The following MTUS2 variants were observed in gnomAD, a reference collection of about 807,000 sequenced individuals.
MTUS2 encodes the protein microtubule-associated tumor suppressor candidate 2.
A neutral mutation model predicts 114.1 loss-of-function variants in MTUS2; 40 were observed. The observed-to-expected ratio is 0.35, with a 90% confidence interval of 0.27 to 0.46. The LOEUF is 0.46. Among genes scored for constraint, MTUS2 ranks in the 20% least tolerant of loss-of-function variants. The pLI, the probability that MTUS2 is intolerant of heterozygous loss-of-function variation, is 1.00. For synonymous variants in MTUS2, 688 were observed against 672.0 expected (o/e 1.02, Z -0.37); for missense variants, 1,679 against 1,705.4 (o/e 0.98, Z 0.27).
intron 6 of MTUS2, among the ~76,000 whole-genome samples, chr13:29,299,973 C>G (rs2139603092): frequency 6.6e-6 from 1 of 152,046 alleles, no homozygotes; most frequent in South Asian, 2.1e-4. Context: ...GGGGGGGGCA[C>G]TTGATTTTAA....
intron 3 of MTUS2, among the ~76,000 whole-genome samples, chr13:29,029,856 AG>A (rs1886735608): frequency 6.6e-6 from 1 of 152,188 alleles, no homozygotes; most frequent in African/African-American, 2.4e-5. Flanking sequence ...TACCAAAAGG[AG>A]GGCACCAAGC....
At chr13:29,020,323 AT>A (rs1886240720) in intron 2 of MTUS2, among the ~76,000 whole-genome samples, 1 of 152,208 alleles carries the variant, frequency 6.6e-6, no homozygotes, top group Non-Finnish European at 1.5e-5. Context: ...CTATTTGCAT[AT>A]TTTATTTAAT....
chr13:29,195,738 T>TA (rs929552030), intron 5 of MTUS2, among the ~76,000 whole-genome samples: 1 of 152,076 alleles, frequency 6.6e-6, no homozygotes, highest in African/African-American at 2.4e-5. Flanking sequence ...GGGTTGTTGT[T>TA]AGAAGAGTGT....
intron 2 of MTUS2, among the ~76,000 whole-genome samples, chr13:28,954,820 C>G (rs566681992): frequency 6.6e-6 from 1 of 152,072 alleles, no homozygotes; most frequent in Admixed American, 6.5e-5. Context: ...GGGAGACTTA[C>G]GTATAGGGCT....
intron 2 of MTUS2, among the ~76,000 whole-genome samples, chr13:28,940,139 A>G (rs1208133419): frequency 2.0e-5 from 3 of 152,192 alleles, no homozygotes; most frequent in Non-Finnish European, 4.4e-5. Flanking sequence ...TAATAAGCCA[A>G]AATAACACAG....
intron 4 of MTUS2, among the ~76,000 whole-genome samples, chr13:29,069,510 A>G (rs549068788): frequency 1.3e-5 from 2 of 152,310 alleles, no homozygotes; most frequent in South Asian, 4.1e-4. Context: ...TCAAATGCTA[A>G]TATCTTCTAA....
At chr13:29,436,686 G>A (rs1313516685) in intron 8 of MTUS2, among the ~76,000 whole-genome samples, 2 of 152,124 alleles carry the variant, frequency 1.3e-5, no homozygotes, top group Non-Finnish European at 2.9e-5. Context: ...TTTTCATTGG[G>A]TCTTCGTGAT....
chr13:28,844,937 T>A (rs1875767029), intron 2 of MTUS2, among the ~76,000 whole-genome samples: 1 of 152,120 alleles, frequency 6.6e-6, no homozygotes, highest in South Asian at 2.1e-4. Flanking sequence ...TTTTTAAAAT[T>A]TTAATTTAAT....
At chr13:29,037,359 A>G (rs1219788228) in intron 4 of MTUS2, among the ~76,000 whole-genome samples, 1 of 152,186 alleles carries the variant, frequency 6.6e-6, no homozygotes, top group East Asian at 1.9e-4. Context: ...TCTGGCTTGT[A>G]GAGTTTCTGC....
At chr13:29,345,221 A>G (rs1417489261) in intron 7 of MTUS2, among the ~76,000 whole-genome samples, 2 of 152,146 alleles carry the variant, frequency 1.3e-5, no homozygotes, top group Non-Finnish European at 2.9e-5. Context: ...AGGCCAGAGA[A>G]GTTTTCCTTG....
At chr13:29,073,246 C>T (rs1240516044) in intron 4 of MTUS2, among the ~76,000 whole-genome samples, 2 of 152,182 alleles carry the variant, frequency 1.3e-5, no homozygotes, top group African/African-American at 2.4e-5. Context: ...AAGAAAGTCA[C>T]CTCAAGATTT....
chr13:29,360,539 A>C (rs1870140625), intron 8 of MTUS2, among the ~76,000 whole-genome samples: 1 of 152,152 alleles, frequency 6.6e-6, no homozygotes, highest in Non-Finnish European at 1.5e-5. Flanking sequence ...GACAGCCCTG[A>C]AATTTCCATT....
At chr13:28,882,002 A>C (rs771386136) in intron 2 of MTUS2, among the ~76,000 whole-genome samples, 2 of 152,202 alleles carry the variant, frequency 1.3e-5, no homozygotes, top group African/African-American at 2.4e-5. Context: ...ACAATAGGAT[A>C]TCCATGTGCA....
intron 2 of MTUS2, among the ~76,000 whole-genome samples, chr13:28,851,322 T>C (rs1876251350): frequency 6.6e-6 from 1 of 152,238 alleles, no homozygotes; most frequent in Non-Finnish European, 1.5e-5. Context: ...TGTAAGCACA[T>C]ACATTTGTCC....
At chr13:29,331,343 C>T (rs9579319) in intron 7 of MTUS2, among the ~76,000 whole-genome samples, 30,276 of 152,088 alleles carry the variant, frequency 0.2, 3,053 homozygotes, top group Middle Eastern at 0.22. Context: ...GGAGCTGAGA[C>T]GATGGGGTTT....
intron 5 of MTUS2, among the ~76,000 whole-genome samples, chr13:29,254,840 C>T (rs574533914): frequency 4.6e-5 from 7 of 152,296 alleles, no homozygotes; most frequent in African/African-American, 1.4e-4. Context: ...ACTCTTGATC[C>T]AGAAATATAC....
chr13:28,999,159 A>C (rs1006258256), intron 2 of MTUS2, among the ~76,000 whole-genome samples: 78 of 152,336 alleles, frequency 5.1e-4, no homozygotes, highest in Non-Finnish European at 2.5e-4. Flanking sequence ...GGTCCACTCC[A>C]GACCCTGTTT....
chr13:28,945,123 C>A (rs1463286776), intron 2 of MTUS2, among the ~76,000 whole-genome samples: 2 of 151,752 alleles, frequency 1.3e-5, no homozygotes, highest in Admixed American at 1.3e-4. Flanking sequence ...GCTTCCAGTT[C>A]CATCCATGTT....
chr13:29,385,313 G>A (rs1018410779), intron 8 of MTUS2, among the ~76,000 whole-genome samples: 1 of 152,196 alleles, frequency 6.6e-6, no homozygotes, highest in African/African-American at 2.4e-5. Flanking sequence ...TCTGAAGAGC[G>A]ATGCTCAGAG....
Sources: gnomAD v4.1 joint callset for allele counts (sites outside exome capture counted in the v4.1 genomes callset) on GRCh38, gnomAD v4.1.1 for gene constraint, MANE v1.5 for transcripts, NCBI Gene and HGNC (gene_info 2026-07-23, HGNC 2026-07-21) for gene names.